Variants in PDE6H observed in about 807,000 individuals in gnomAD.
The protein encoded by PDE6H is phosphodiesterase 6H, also known as retinal cone rhodopsin-sensitive cGMP 3',5'-cyclic phosphodiesterase subunit gamma.
Under a neutral mutation model 9.2 loss-of-function variants are expected in PDE6H, and 11 were observed. That is an observed-to-expected ratio of 1.19 (90% CI 0.75 to 1.97). The LOEUF (loss-of-function observed/expected upper bound fraction) is 1.97. Ranked by LOEUF, PDE6H falls within the 30% of genes most tolerant of loss-of-function variation. The pLI is 0.00. For synonymous variants in PDE6H, 36 were observed against 33.6 expected (o/e 1.07, Z -0.25); for missense variants, 98 against 101.5 (o/e 0.97, Z 0.15).
chr12:14,977,595 A>G lies in PDE6H; in HGVS notation c.-41-377A>G, dbSNP rs980991997. On this transcript the variant is annotated intron_variant, in intron 1 of 3. Coordinates refer to ENST00000266395, the MANE Select transcript of PDE6H (RefSeq NM_006205.3). The stretch of plus-strand genomic sequence containing the variant: ...ATTTATTTTTAAATTTTAATTTGTT[A>G]TACCTAATGTGAAGCTTTAATTTAA... 7.9e-5 allele frequency among the ~76,000 whole-genome samples: 12 copies of G among 152,228 alleles called. No individual in the cohort carries two copies. In the East Asian group the frequency reaches 1.7e-3, roughly 22 times the overall value.
intron 1 of PDE6H, among the ~76,000 whole-genome samples, chr12:14,976,081 A>G (rs1371316639): frequency 6.6e-6 from 1 of 152,038 alleles, no homozygotes; most frequent in Admixed American, 6.5e-5. Context: ...CGGCCTCCCA[A>G]AGTGCTGGGA....
At chr12:14,979,890 C>A (rs1383263485) in intron 3 of PDE6H, among the ~76,000 whole-genome samples, 1 of 152,138 alleles carries the variant, frequency 6.6e-6, no homozygotes, top group African/African-American at 2.4e-5. Context: ...TCTCTACCAT[C>A]TCTCTCCCCT....
intron 1 of PDE6H, 40 bp from the exon 2 acceptor site, chr12:14,977,932 A>T (rs1484799727): frequency 7.3e-7 from 1 of 1,374,302 alleles, no homozygotes; most frequent in Non-Finnish European, 1.0e-6. Flanking sequence ...GGTCCCCATG[A>T]CTTGAAAGAT....
At position 14,981,423 on chromosome 12, in the gene PDE6H, G is replaced by A. The variant is rs367633364; in HGVS notation, c.199G>A (p.Glu67Lys). 12 of 1,613,004 alleles carry A rather than the reference G, an allele frequency of 7.4e-6. No individual in the cohort carries two copies. Among genetic ancestry groups the A allele is most frequent in the Admixed American group, 1.7e-5 (1 of 60,024 alleles). ...AGATATCACAGTGATTTGTCCATGG[G>A]AGGCATTCAGCCACCTGGAATTGCA... Reference protein sequence around the residue: ...GTDITVICPWEAFSHLELHEL... With the variant: ...GTDITVICPWKAFSHLELHEL... Residue 67 changes from glutamate to lysine, a missense_variant, in exon 4 of 4, where the codon GAG becomes AAG. Glu to Lys is a moderately conservative substitution (Grantham distance 56, BLOSUM62 1). Coordinates refer to ENST00000266395, the MANE Select transcript of PDE6H (RefSeq NM_006205.3).
intron 1 of PDE6H, among the ~76,000 whole-genome samples, chr12:14,973,765 C>T (rs903469062): frequency 3.3e-5 from 5 of 152,088 alleles, no homozygotes; most frequent in Non-Finnish European, 7.4e-5. Context: ...TTTCTTTGTC[C>T]ACCAACAATG....
intron 1 of PDE6H, among the ~76,000 whole-genome samples, chr12:14,976,790 A>G (rs1400898426): frequency 6.6e-6 from 1 of 152,248 alleles, no homozygotes; most frequent in Non-Finnish European, 1.5e-5. Context: ...TAGTTTTTAT[A>G]GAGGAGACTG....
rs535266740 is a variant in PDE6H at position 14,977,955 on chromosome 12, A to G, written c.-41-17A>G. 1.7e-5 allele frequency: 26 copies of G among 1,554,456 alleles called. No individual in the cohort carries two copies. In the African/African-American group the frequency reaches 3.3e-4, roughly 20 times the overall value. ...TGACTTGAAAGATCTTCTTTTTTTTATCTTTCACTGTCTAAGGAGGCTGAA... is the reference window on the plus strand; with the variant it reads ...TGACTTGAAAGATCTTCTTTTTTTTGTCTTTCACTGTCTAAGGAGGCTGAA... On this transcript the variant is annotated splice_polypyrimidine_tract_variant and intron_variant, in intron 1 of 3. Transcript: ENST00000266395.
chr12:14,975,097 G>A (rs1354132120), intron 1 of PDE6H, among the ~76,000 whole-genome samples: 1 of 152,148 alleles, frequency 6.6e-6, no homozygotes, highest in Non-Finnish European at 1.5e-5. Flanking sequence ...ATATCAGTTT[G>A]ATTCTAAAGA....
Position 14,977,906 on chromosome 12 carries a change from A to T in PDE6H, c.-41-66A>T, listed in dbSNP as rs960650731. The T allele has an allele frequency of 2.0e-5, 22 of 1,097,500 alleles. No individual in the cohort carries two copies. The African/African-American group carries it at 3.3e-4, about 17-fold the overall frequency. The allele number at this position is 1,097,500 out of a possible 1,614,324, so 68.0% of individuals were successfully genotyped here. On this transcript the variant is annotated intron_variant, in intron 1 of 3. Transcript: ENST00000266395. ...ACTTTTCTTCTCCAGCCTGAAATAA[A>T]GATCTAATAACCAATGGTCCCCATG...
chr12:14,979,078 C>G, intron 2 of PDE6H, 101 bp from the exon 3 acceptor site: 1 of 780,984 alleles, frequency 1.3e-6, no homozygotes, highest in South Asian at 1.4e-5. Context: ...ACACTTAAAC[C>G]TCTCCTTCTT....
In PDE6H at chr12:14,981,455, C is replaced by T. The variant is rs766135743; in HGVS notation, c.231C>T (p.Leu77=). The T allele has an allele frequency of 1.1e-5, 17 of 1,612,676 alleles. No individual in the cohort carries two copies. The highest frequency in any genetic ancestry group is 3.3e-5 in the Admixed American group (2 of 60,016). Reference sequence around the variant, plus strand: ...TCAGCCACCTGGAATTGCATGAGCTCGCTCAGTTTGGGATTATCTGAAGTG... The same window carrying T: ...TCAGCCACCTGGAATTGCATGAGCTTGCTCAGTTTGGGATTATCTGAAGTG... ...EAFSHLELHE[L]AQFGII is the part of the protein sequence containing the mutation. The change falls in exon 4 of 4, where the codon CTC becomes CTT. Residue 77 remains leucine (L), a synonymous_variant. Transcript: ENST00000266395.
At chr12:14,975,485 A>T (rs1295043590) in intron 1 of PDE6H, among the ~76,000 whole-genome samples, 1 of 152,024 alleles carries the variant, frequency 6.6e-6, no homozygotes, top group African/African-American at 2.4e-5. Flanking sequence ...AAAAACCTTG[A>T]TCTGAGAGCA....
At position 14,981,638 on chromosome 12, in the gene PDE6H, G is replaced by A; in HGVS notation, c.*162G>A. ...ACTACTAAGAGTTCTCTTACTGTCAGAATCTCTCTTGCAGTACAGCTCAAA... is the reference window on the plus strand; with the variant it reads ...ACTACTAAGAGTTCTCTTACTGTCAAAATCTCTCTTGCAGTACAGCTCAAA... On this transcript the variant is annotated 3_prime_UTR_variant, in exon 4 of 4. Transcript: ENST00000266395. 2 of 685,080 alleles carry A rather than the reference G, an allele frequency of 2.9e-6. No individual in the cohort carries two copies. The highest frequency in any genetic ancestry group is 5.3e-6 in the Non-Finnish European group (2 of 375,036). The allele number at this position is 685,080 out of a possible 1,614,324, so 42.4% of individuals were successfully genotyped here.
In PDE6H at chr12:14,981,335, T is replaced by C. The variant is rs965730227; in HGVS notation, c.176-65T>C. The stretch of plus-strand genomic sequence containing the variant: ...GTGAAGTGTCTCTGCCTGAAGGGTG[T>C]CTTTCTGTGAAGAAGCTCTCTTGGG... On this transcript the variant is annotated intron_variant, in intron 3 of 3. Transcript: ENST00000266395. 5.1e-6 allele frequency: 5 copies of C among 973,292 alleles called. No individual in the cohort carries two copies. In the African/African-American group the frequency reaches 8.0e-5, roughly 16 times the overall value. The allele number at this position is 973,292 out of a possible 1,614,324, so 60.3% of individuals were successfully genotyped here.
intron 1 of PDE6H, among the ~76,000 whole-genome samples, chr12:14,977,376 CA>C (rs1281737537): frequency 6.6e-6 from 1 of 152,090 alleles, no homozygotes; most frequent in East Asian, 1.9e-4. Flanking sequence ...GCTCAATAAA[CA>C]TTTAGAGTCA....
chr12:14,980,870 T>A (rs971682434), intron 3 of PDE6H, among the ~76,000 whole-genome samples: 3 of 152,238 alleles, frequency 2.0e-5, no homozygotes, highest in African/African-American at 7.2e-5. Context: ...CATCTTATTG[T>A]CTAAAACAAG....
chr12:14,976,165 T>C (rs2120821733), intron 1 of PDE6H, among the ~76,000 whole-genome samples: 1 of 152,114 alleles, frequency 6.6e-6, no homozygotes, highest in East Asian at 1.9e-4. Flanking sequence ...ACAAATATAA[T>C]ATATATGGCA....
At chr12:14,975,355 T>C (rs755574321) in intron 1 of PDE6H, among the ~76,000 whole-genome samples, 4 of 127,386 alleles carry the variant, frequency 3.1e-5, no homozygotes, top group South Asian at 2.8e-4. Context: ...CAAATTGAAC[T>C]GGGTGTCTTG....
rs1864620585 is a variant in PDE6H at position 14,977,954 on chromosome 12, T to TA, written c.-41-17dup. ...ATGACTTGAAAGATCTTCTTTTTTT[T>TA]ATCTTTCACTGTCTAAGGAGGCTGA... On this transcript the variant is annotated splice_polypyrimidine_tract_variant and intron_variant, in intron 1 of 3. Coordinates refer to ENST00000266395, the MANE Select transcript of PDE6H (RefSeq NM_006205.3). 3.2e-6 allele frequency: 5 copies of TA among 1,551,114 alleles called. No homozygotes were observed. The East Asian group carries it at 6.7e-5, about 21-fold the overall frequency.
Sources: allele counts gnomAD v4.1 joint callset (sites outside exome capture counted in the v4.1 genomes callset), GRCh38; gene constraint gnomAD v4.1.1; transcripts MANE v1.5; gene names NCBI Gene and HGNC (gene_info 2026-07-23, HGNC 2026-07-21).